NAV2: variants seen among roughly 807,000 people sequenced by gnomAD.
NAV2 encodes the protein helicase, APC down-regulated 1.
Under a neutral mutation model 223.2 loss-of-function variants are expected in NAV2, and 54 were observed. The observed-to-expected ratio is 0.24, with a 90% CI of 0.19 to 0.30. The LOEUF is 0.30. Among genes scored for constraint, NAV2 ranks in the 10% least tolerant of loss-of-function variants. The pLI, the probability that NAV2 is intolerant of heterozygous loss-of-function variation, is 1.00. For missense variants in NAV2, 2,806 were observed against 3,147.5 expected (o/e 0.89, Z 2.60); for synonymous variants, 1,279 against 1,239.3 (o/e 1.03, Z -0.67).
chr11:19,977,793 T>TTTTTC (rs2049898770), intron 10 of NAV2, among the ~76,000 whole-genome samples: 1 of 147,032 alleles, frequency 6.8e-6, no homozygotes, highest in African/African-American at 2.6e-5. Context: ...GAGGTCAACT[T>TTTTTC]TTTTCTTTTT....
At chr11:20,083,469 G>A (rs1483968310) in intron 26 of NAV2, among the ~76,000 whole-genome samples, 2 of 152,168 alleles carry the variant, frequency 1.3e-5, no homozygotes, top group Non-Finnish European at 2.9e-5. Context: ...TTGGGATAAT[G>A]GTTTTTGTGT....
Position 20,094,207 on chromosome 11 carries a change from TTTTTC to T in NAV2, c.5916+1017_5916+1021del, listed in dbSNP as rs1407527217. 7.0e-3 allele frequency among the ~76,000 whole-genome samples: 1,052 copies of T among 150,678 alleles called. 10 individuals are homozygous for T. The highest frequency in any genetic ancestry group is 0.011 in the Non-Finnish European group (716 of 67,848). On this transcript the variant is annotated intron_variant, in intron 29 of 37. Transcript: ENST00000349880. ...TGGACTGTTAGGGGAAACTCGTTCT[TTTTTC>T]TTTTCTTTATCTTTTTTTTTTTTTT...
chr11:19,953,810 A>G (rs2047590091), intron 10 of NAV2, among the ~76,000 whole-genome samples: 1 of 152,164 alleles, frequency 6.6e-6, no homozygotes, highest in Non-Finnish European at 1.5e-5. Context: ...TAGAGCTTGA[A>G]AAGAACAGGC....
intron 1 of NAV2, among the ~76,000 whole-genome samples, chr11:19,765,108 C>T (rs767795362): frequency 6.6e-6 from 1 of 152,194 alleles, no homozygotes; most frequent in African/African-American, 2.4e-5. Context: ...TAGGCATTAA[C>T]AGATTTACAT....
chr11:19,702,721 T>A (rs2049542253), intron 1 of NAV2, among the ~76,000 whole-genome samples: 1 of 151,738 alleles, frequency 6.6e-6, no homozygotes, highest in South Asian at 2.1e-4. Flanking sequence ...GAGTTTGCAG[T>A]GAGCTGAGAT....
chr11:20,059,507 C>G (rs1009540144), intron 19 of NAV2, among the ~76,000 whole-genome samples: 1 of 152,008 alleles, frequency 6.6e-6, no homozygotes, highest in Non-Finnish European at 1.5e-5. Context: ...CTCAAACATT[C>G]CTAGGTTGTG....
At chr11:19,621,640 C>A (rs963293182) in intron 1 of NAV2, among the ~76,000 whole-genome samples, 1 of 150,700 alleles carries the variant, frequency 6.6e-6, no homozygotes, top group Non-Finnish European at 1.5e-5. Context: ...TTTGATTCTT[C>A]TCTCATTCCT....
intron 1 of NAV2, among the ~76,000 whole-genome samples, chr11:19,715,143 A>G (rs1417632392): frequency 6.6e-6 from 1 of 152,200 alleles, no homozygotes; most frequent in Non-Finnish European, 1.5e-5. Context: ...GCTGAAGCTA[A>G]TTGTAAGCAG....
At chr11:19,427,446 G>A (rs1419309864) in intron 1 of NAV2, among the ~76,000 whole-genome samples, 2 of 152,142 alleles carry the variant, frequency 1.3e-5, no homozygotes, top group African/African-American at 4.8e-5. Context: ...CCTTTGCCTA[G>A]TTATAGGAGG....
intron 1 of NAV2, among the ~76,000 whole-genome samples, chr11:19,431,794 A>C (rs983514650): frequency 7.9e-5 from 12 of 152,244 alleles, no homozygotes; most frequent in African/African-American, 2.9e-4. Flanking sequence ...ATATAGGTGC[A>C]AGGTAGAGAG....
At chr11:19,825,079 G>A (rs1036370887) in intron 1 of NAV2, among the ~76,000 whole-genome samples, 1 of 151,856 alleles carries the variant, frequency 6.6e-6, no homozygotes, top group Non-Finnish European at 1.5e-5. Flanking sequence ...ATCACTTGAG[G>A]CCAGGAGTTT....
At chr11:19,628,614 C>T (rs559171546) in intron 1 of NAV2, among the ~76,000 whole-genome samples, 67 of 152,290 alleles carry the variant, frequency 4.4e-4, no homozygotes, top group African/African-American at 1.3e-3. Flanking sequence ...TCCTGAAGTC[C>T]GGATTCCTAC....
intron 7 of NAV2, among the ~76,000 whole-genome samples, chr11:19,936,294 C>G (rs2045898187): frequency 1.3e-5 from 2 of 152,142 alleles, no homozygotes; most frequent in African/African-American, 4.8e-5. Flanking sequence ...TTTGCATTTT[C>G]AAAATTAAAA....
At chr11:19,715,318 G>A (rs1040045998) in intron 1 of NAV2, among the ~76,000 whole-genome samples, 2 of 152,166 alleles carry the variant, frequency 1.3e-5, no homozygotes, top group Non-Finnish European at 2.9e-5. Context: ...AGTGCTCCGG[G>A]GGCCTGCCTC....
intron 1 of NAV2, among the ~76,000 whole-genome samples, chr11:19,534,582 A>T (rs2044129070): frequency 6.6e-6 from 1 of 152,206 alleles, no homozygotes; most frequent in South Asian, 2.1e-4. Context: ...CAGTTTGAGG[A>T]AAGGAGGATC....
chr11:19,960,170 C>T (rs978711085), intron 10 of NAV2, among the ~76,000 whole-genome samples: 20 of 152,148 alleles, frequency 1.3e-4, no homozygotes, highest in African/African-American at 4.6e-4. Flanking sequence ...AAAGCTGGAC[C>T]GTTTGATACT....
intron 7 of NAV2, among the ~76,000 whole-genome samples, chr11:19,935,454 A>G (rs1046070754): frequency 6.6e-6 from 1 of 152,216 alleles, no homozygotes. Flanking sequence ...CCGTATTTAC[A>G]TACCTGTTCA....
intron 1 of NAV2, among the ~76,000 whole-genome samples, chr11:19,825,062 G>C (rs1435191216): frequency 6.6e-6 from 1 of 152,022 alleles, no homozygotes; most frequent in Admixed American, 6.6e-5. Context: ...GGAGGCTGAG[G>C]AGGGCGATCA....
At chr11:19,508,854 G>C (rs368834425) in intron 1 of NAV2, among the ~76,000 whole-genome samples, 9 of 152,300 alleles carry the variant, frequency 5.9e-5, no homozygotes, top group East Asian at 3.9e-4. Context: ...ATCTGCCCTG[G>C]GGGAAAAGCT....
Sources: allele counts gnomAD v4.1 joint callset (sites outside exome capture counted in the v4.1 genomes callset), GRCh38; gene constraint gnomAD v4.1.1; transcripts MANE v1.5; gene names NCBI Gene and HGNC (gene_info 2026-07-23, HGNC 2026-07-21).